The following KDM6A variants were observed in gnomAD, a reference collection of about 807,000 sequenced individuals.
KDM6A encodes the protein lysine demethylase 6A, also known as lysine-specific demethylase 6A.
KDM6A carries 11 observed loss-of-function variants against 117.6 expected under a neutral mutation model. That is an observed-to-expected ratio of 0.09 (90% CI 0.06 to 0.15). The LOEUF is 0.15. KDM6A is among the 10% of genes least tolerant of loss of function. KDM6A has a pLI of 1.00. For missense variants in KDM6A, 799 were observed against 1,077.3 expected, an observed-to-expected ratio of 0.74 and a Z score of 3.62; for synonymous variants, 384 against 396.1, an observed-to-expected ratio of 0.97 and a Z score of 0.36.
At chrX:45,055,613 C>G (rs1435971132) in intron 10 of KDM6A, among the ~76,000 whole-genome samples, 1 of 110,980 alleles carries the variant, frequency 9.0e-6, no homozygotes, top group Non-Finnish European at 1.9e-5. Context: ...AGTGGCTATT[C>G]GATAAATGGA....
intron 2 of KDM6A, among the ~76,000 whole-genome samples, chrX:44,890,750 G>T (rs1188511469): frequency 9.7e-6 from 1 of 102,867 alleles, no homozygotes; most frequent in Non-Finnish European, 2.0e-5. Flanking sequence ...CGACTCCTGG[G>T]GTTAAGTGAT....
intron 2 of KDM6A, among the ~76,000 whole-genome samples, chrX:44,938,224 T>A (rs2037091599): frequency 8.9e-6 from 1 of 111,828 alleles, no homozygotes; most frequent in African/African-American, 3.3e-5. Context: ...CCTCACAAAG[T>A]GTTGGCATTA....
chrX:44,988,848 C>T (rs1020571279), intron 4 of KDM6A, among the ~76,000 whole-genome samples: 4 of 110,906 alleles, frequency 3.6e-5, no homozygotes, highest in African/African-American at 9.9e-5. Flanking sequence ...TTAGGCTACT[C>T]GGGGGTCAGG....
At chrX:44,922,666 G>A (rs1163963652) in intron 2 of KDM6A, among the ~76,000 whole-genome samples, 10 of 111,163 alleles carry the variant, frequency 9.0e-5, no homozygotes, top group Admixed American at 1.9e-4. Flanking sequence ...ACAGAGTTTC[G>A]CCATGTTGGC....
chrX:44,926,730 GATAA>G (rs1013126292), intron 2 of KDM6A, among the ~76,000 whole-genome samples: 5 of 111,483 alleles, frequency 4.5e-5, no homozygotes, highest in African/African-American at 1.3e-4. Context: ...AGAGACATTT[GATAA>G]ATATTCTCTA....
At chrX:45,037,342 C>T (rs1423128885) in intron 7 of KDM6A, among the ~76,000 whole-genome samples, 2 of 111,299 alleles carry the variant, frequency 1.8e-5, no homozygotes, top group African/African-American at 6.5e-5. Context: ...TTAATGTTGC[C>T]ATTTTGAACT....
chrX:45,034,490 G>A (rs868267939), intron 6 of KDM6A, among the ~76,000 whole-genome samples: 1 of 111,842 alleles, frequency 8.9e-6, no homozygotes, highest in Non-Finnish European at 1.9e-5. Context: ...AATACTCATA[G>A]TGATTTTTTT....
chrX:44,982,503 C>T (rs756357959), intron 4 of KDM6A, among the ~76,000 whole-genome samples: 7 of 111,344 alleles, frequency 6.3e-5, no homozygotes, highest in Non-Finnish European at 1.3e-4. Flanking sequence ...ATTAGGTTGG[C>T]GCAAAAGTGA....
chrX:45,050,915 A>G (rs2043811708), intron 8 of KDM6A, among the ~76,000 whole-genome samples: 1 of 111,652 alleles, frequency 9.0e-6, no homozygotes, highest in Non-Finnish European at 1.9e-5. Flanking sequence ...TTTTTATAAG[A>G]TATTTTATAT....
intron 2 of KDM6A, among the ~76,000 whole-genome samples, chrX:44,877,345 GTAAT>G (rs2031760708): frequency 9.7e-6 from 1 of 103,414 alleles, no homozygotes; most frequent in Non-Finnish European, 1.9e-5. Context: ...TAGAGCCTGC[GTAAT>G]TAGAGTTCTT....
At chrX:44,994,471 G>GGT (rs1400871091) in intron 4 of KDM6A, among the ~76,000 whole-genome samples, 1 of 111,783 alleles carries the variant, frequency 8.9e-6, no homozygotes, top group Non-Finnish European at 1.9e-5. Flanking sequence ...AGTATTTCAA[G>GGT]GTGTATATAT....
intron 4 of KDM6A, among the ~76,000 whole-genome samples, chrX:44,988,201 G>A (rs753701295): frequency 1.5e-4 from 17 of 111,515 alleles, no homozygotes; most frequent in African/African-American, 5.2e-4. Context: ...TGATCAAATC[G>A]GCTACTGAGG....
chrX:45,090,705 TG>T lies in KDM6A; in HGVS notation c.3893-17del, dbSNP rs749391227. On this transcript the variant is annotated splice_polypyrimidine_tract_variant and intron_variant, in intron 26 of 29. Coordinates refer to ENST00000611820, the MANE Select transcript of KDM6A (RefSeq NM_001291415.2). ...TTGGTACTTTGGGTTGCTTTATAAC[TG>T]TTTTTTTTTTTCCTAGCCTGCCAGT... 4.2e-6 allele frequency: 5 copies of T among 1,201,166 alleles called. No individual in the cohort carries two copies. The African/African-American group carries it at 8.8e-5, about 21-fold the overall frequency.
intron 18 of KDM6A, among the ~76,000 whole-genome samples, chrX:45,076,453 G>A: frequency 9.0e-6 from 1 of 110,849 alleles, no homozygotes; most frequent in Non-Finnish European, 1.9e-5. Flanking sequence ...AATAAGGAAT[G>A]TCATCAATAA....
In KDM6A at chrX:45,069,586, A is replaced by G. The variant is rs2148034105; in HGVS notation, c.2087A>G (p.His696Arg). 1 of 1,210,558 alleles carries G rather than the reference A, an allele frequency of 8.3e-7. No homozygotes were observed. The highest frequency in any genetic ancestry group is 1.1e-6 in the Non-Finnish European group (1 of 894,557). The stretch of plus-strand genomic sequence containing the variant: ...ATTTTTCTTTCTTTTTAGGGGCTTC[A>G]CAAAGGTCAGAGTTCACATTCGGCA... ...NQLSNSTQGL[H>R]KGQSSHSAGP... Residue 696 changes from histidine (H) to arginine (R), a missense_variant, in exon 18 of 30, where the codon CAC (histidine) becomes CGC (arginine). This residue lies in a region of KDM6A where 301 missense variants were observed against 318.3 expected (regional missense o/e 0.95). Coordinates refer to ENST00000611820, the MANE Select transcript of KDM6A (RefSeq NM_001291415.2).
chrX:44,970,428 G>A (rs934588547), intron 3 of KDM6A, among the ~76,000 whole-genome samples: 1 of 110,541 alleles, frequency 9.0e-6, no homozygotes, highest in African/African-American at 3.3e-5. Flanking sequence ...TTCTTTGGGG[G>A]TTTTTTTGTA....
chrX:44,998,553 T>A (rs962542432), intron 4 of KDM6A, among the ~76,000 whole-genome samples: 2 of 111,708 alleles, frequency 1.8e-5, no homozygotes, highest in African/African-American at 6.5e-5. Flanking sequence ...CCCCCTTTTT[T>A]TATTCCCCAG....
chrX:44,979,517 T>G (rs1313515781), intron 4 of KDM6A, among the ~76,000 whole-genome samples: 1 of 111,734 alleles, frequency 8.9e-6, no homozygotes, highest in Admixed American at 9.6e-5. Context: ...TTTGGAATTA[T>G]TAGTCTCTGG....
intron 8 of KDM6A, among the ~76,000 whole-genome samples, chrX:45,041,489 C>CCCAGACGGGGTGGCTG (rs1215930263): frequency 3.1e-4 from 33 of 107,002 alleles, no homozygotes; most frequent in African/African-American, 1.0e-3. Flanking sequence ...CTCCTCACTT[C>CCCAGACGGGGTGGCTG]CCAGACGGGG....
Sources: allele counts gnomAD v4.1 joint callset (sites outside exome capture counted in the v4.1 genomes callset), GRCh38; gene constraint gnomAD v4.1.1; regional missense constraint gnomAD v4.1.1; transcripts MANE v1.5; gene names NCBI Gene and HGNC (gene_info 2026-07-23, HGNC 2026-07-21).